The following CRACD variants were observed in gnomAD, a reference collection of about 807,000 sequenced individuals.
The protein encoded by CRACD is capping protein-inhibiting regulator of actin dynamics.
A neutral mutation model predicts 106.8 loss-of-function variants in CRACD; 56 were observed. The observed-to-expected ratio is 0.52, with a 90% CI of 0.42 to 0.66. The LOEUF (loss-of-function observed/expected upper bound fraction) is 0.66. Ranked by LOEUF, CRACD falls within the 30% of genes least tolerant of loss-of-function variation. CRACD has a pLI of 0.00. For missense variants in CRACD, 1,730 were observed against 1,623.2 expected, an observed-to-expected ratio of 1.07 and a Z score of -1.13; for synonymous variants, 754 against 670.8, an observed-to-expected ratio of 1.12 and a Z score of -1.92.
At chr4:56,050,273 AGTGTGTGTGTGTGTGT>A (rs3036783) in intron 1 of CRACD, among the ~76,000 whole-genome samples, 10 of 134,564 alleles carry the variant, frequency 7.4e-5, no homozygotes, top group African/African-American at 1.4e-4. Context: ...TAGGTGAGGG[AGTGTGTGTGTGTGTGT>A]GTGTGTGTGT....
chr4:56,091,121 G>A (rs557683108), intron 1 of CRACD, among the ~76,000 whole-genome samples: 10 of 151,816 alleles, frequency 6.6e-5, no homozygotes, highest in African/African-American at 1.2e-4. Flanking sequence ...ATTGCAATCC[G>A]GGCTCACTGC....
At position 56,289,448 on chromosome 4, in the gene CRACD, G is replaced by A. The variant is rs547776116; in HGVS notation, c.-16-8766G>A. Reference sequence around the variant, plus strand: ...GCACTTTGGGAGGCCAAAGCAGGAGGATCGCTTGAGCCCAGGAGTTTGAGA... The same window carrying A: ...GCACTTTGGGAGGCCAAAGCAGGAGAATCGCTTGAGCCCAGGAGTTTGAGA... On this transcript the variant is annotated intron_variant, in intron 3 of 10. Coordinates refer to ENST00000682029, the MANE Select transcript of CRACD (RefSeq NM_001393381.1). Among the ~76,000 whole-genome samples the A allele has an allele frequency of 9.5e-4, 145 of 152,244 alleles. 1 individual carries two copies. Among genetic ancestry groups the A allele is most frequent in the African/African-American group, 3.1e-3 (128 of 41,548 alleles).
chr4:56,132,573 A>G (rs528949266), intron 1 of CRACD, among the ~76,000 whole-genome samples: 2 of 152,218 alleles, frequency 1.3e-5, no homozygotes, highest in South Asian at 4.1e-4. Flanking sequence ...TCTTGGGCTC[A>G]AGTGATCTGC....
At chr4:56,208,676 G>A (rs147342483) in intron 2 of CRACD, among the ~76,000 whole-genome samples, 3 of 152,216 alleles carry the variant, frequency 2.0e-5, no homozygotes, top group East Asian at 1.9e-4. Flanking sequence ...TATCAATCCC[G>A]TTAACTCTCT....
chr4:56,192,510 G>A (rs964379958), intron 2 of CRACD, among the ~76,000 whole-genome samples: 4 of 152,138 alleles, frequency 2.6e-5, no homozygotes, highest in Non-Finnish European at 5.9e-5. Context: ...TAAATAGGGC[G>A]TGATACAAAT....
chr4:56,218,288 T>C (rs1362986924), intron 2 of CRACD, among the ~76,000 whole-genome samples: 1 of 152,178 alleles, frequency 6.6e-6, no homozygotes, highest in Non-Finnish European at 1.5e-5. Context: ...TTTCTTTTTT[T>C]TCAAGTAGAG....
intron 3 of CRACD, among the ~76,000 whole-genome samples, chr4:56,287,155 G>T (rs1743416574): frequency 6.6e-6 from 1 of 152,138 alleles, no homozygotes; most frequent in African/African-American, 2.4e-5. Flanking sequence ...TAGAGGCAAG[G>T]CCTCTGTCAC....
chr4:56,316,331 C>T lies in CRACD; in HGVS notation c.2829C>T (p.Thr943=). 1 of 1,614,064 alleles carries T rather than the reference C, an allele frequency of 6.2e-7. No individual in the cohort carries two copies. Among genetic ancestry groups the T allele is most frequent in the Non-Finnish European group, 8.5e-7 (1 of 1,179,922 alleles). The change falls in exon 8 of 11, where the codon ACC becomes ACT. Residue 943 remains threonine (T), a synonymous_variant. Transcript: ENST00000682029. ...GGCCTCCACCGGCCAGCAGCCAGAC[C>T]CCGGCTCCGGAGCACGACAAGGCAG... ...HPGPPPASSQ[T]PAPEHDKAAN...
intron 1 of CRACD, among the ~76,000 whole-genome samples, chr4:56,078,839 G>A (rs1220628605): frequency 6.6e-6 from 1 of 152,198 alleles, no homozygotes; most frequent in African/African-American, 2.4e-5. Flanking sequence ...TGGATAAAGG[G>A]TGTCTCTTAG....
intron 1 of CRACD, among the ~76,000 whole-genome samples, chr4:56,164,008 A>G (rs937058776): frequency 6.6e-6 from 1 of 152,064 alleles, no homozygotes; most frequent in Admixed American, 6.6e-5. Context: ...CAGCCTCCCA[A>G]AGTGCTGGGA....
At chr4:56,300,458 T>C (rs145880460) in intron 4 of CRACD, among the ~76,000 whole-genome samples, 30 of 152,324 alleles carry the variant, frequency 2.0e-4, no homozygotes, top group Middle Eastern at 3.4e-3. Context: ...ACACTTTTTA[T>C]AGAAAAAGCA....
chr4:56,213,897 T>A (rs1038717642), intron 2 of CRACD, among the ~76,000 whole-genome samples: 1 of 152,184 alleles, frequency 6.6e-6, no homozygotes, highest in Non-Finnish European at 1.5e-5. Flanking sequence ...ATTTAACAAC[T>A]GAATGACCAA....
chr4:56,292,798 ACAGGC>A (rs1177423422), intron 3 of CRACD, among the ~76,000 whole-genome samples: 1 of 152,166 alleles, frequency 6.6e-6, no homozygotes, highest in East Asian at 1.9e-4. Flanking sequence ...TGCTGGGATT[ACAGGC>A]GTGAGCCACC....
intron 4 of CRACD, among the ~76,000 whole-genome samples, chr4:56,300,339 G>A (rs57309764): frequency 0.012 from 1,363 of 114,890 alleles, 12 homozygotes; most frequent in African/African-American, 0.036. Context: ...TGCTGCCACC[G>A]CTGCCCAAAG....
intron 2 of CRACD, among the ~76,000 whole-genome samples, chr4:56,250,870 C>G (rs1741011855): frequency 6.6e-6 from 1 of 152,194 alleles, no homozygotes; most frequent in African/African-American, 2.4e-5. Flanking sequence ...GTTCCCCTTG[C>G]AACCAACTTC....
intron 1 of CRACD, among the ~76,000 whole-genome samples, chr4:56,063,077 G>T (rs112014246): frequency 6.6e-6 from 1 of 150,460 alleles, no homozygotes; most frequent in African/African-American, 2.5e-5. Flanking sequence ...GAAAGGAAAG[G>T]AAGGAAGAGA....
At chr4:56,308,862 A>G (rs1744936647) in intron 5 of CRACD, 1 of 1,288,674 alleles carries the variant, frequency 7.8e-7, no homozygotes. Context: ...AAATGTCCTC[A>G]CAGTTATTGA....
At chr4:56,232,807 C>T (rs112306244) in intron 2 of CRACD, among the ~76,000 whole-genome samples, 9 of 152,042 alleles carry the variant, frequency 5.9e-5, no homozygotes, top group African/African-American at 2.2e-4. Context: ...TCACTGCAAA[C>T]TCTGCCTCCT....
rs1405580856 is a variant in CRACD at position 56,185,567 on chromosome 4, G to A, written c.-189+6137G>A. Among the ~76,000 whole-genome samples the A allele has an allele frequency of 3.3e-5, 5 of 152,238 alleles. No homozygotes were observed. The East Asian group carries it at 7.7e-4, about 24-fold the overall frequency. ...TGCTGGGAGAGCTGGGGTGCTATGG[G>A]AATATTATCTTTCTAATTAGGACCT... On this transcript the variant is annotated intron_variant, in intron 2 of 10. Transcript: ENST00000682029.
Sources: gnomAD v4.1 joint callset for allele counts (sites outside exome capture counted in the v4.1 genomes callset) on GRCh38, gnomAD v4.1.1 for gene constraint, MANE v1.5 for transcripts, NCBI Gene and HGNC (gene_info 2026-07-23, HGNC 2026-07-21) for gene names.